Variants in CTTNBP2 observed in about 807,000 individuals in gnomAD.
CTTNBP2 encodes the protein cortactin-binding protein 2.
A neutral mutation model predicts 156.9 loss-of-function variants in CTTNBP2; 108 were observed. The ratio of observed to expected loss-of-function variants is 0.69; its 90% confidence interval spans 0.59 to 0.81. The LOEUF is 0.81. Among genes scored for constraint, CTTNBP2 ranks in the 30% least tolerant of loss-of-function variants. The probability of loss-of-function intolerance (pLI) is 0.00; values close to 1 mark genes in which losing one functional copy is unlikely to be tolerated. For missense variants in CTTNBP2, 1,924 were observed against 2,035.4 expected (o/e 0.95, Z 1.05); for synonymous variants, 767 against 751.8 (o/e 1.02, Z -0.33).
chr7:117,869,564 G>A lies in CTTNBP2; in HGVS notation c.81+3771C>T, dbSNP rs187245761. Reference sequence around the variant, plus strand: ...TGATCAACAGCAGATATTTGTAAATGTCTAAGTACCAAGGCTGTGAAACAT... The same window carrying A: ...TGATCAACAGCAGATATTTGTAAATATCTAAGTACCAAGGCTGTGAAACAT... On this transcript the variant is annotated intron_variant, in intron 1 of 22. Transcript: ENST00000160373. 1.6e-3 allele frequency among the ~76,000 whole-genome samples: 241 copies of A among 152,254 alleles called. 1 individual carries two copies. The highest frequency in any genetic ancestry group is 3.9e-3 in the Admixed American group (59 of 15,294).
chr7:117,860,896 C>A (rs531026773), intron 2 of CTTNBP2, among the ~76,000 whole-genome samples: 11 of 152,268 alleles, frequency 7.2e-5, no homozygotes, highest in Admixed American at 1.3e-4. Flanking sequence ...TAGCAATTTT[C>A]TGAAAACACG....
intron 14 of CTTNBP2, among the ~76,000 whole-genome samples, chr7:117,738,070 C>T (rs2116506790): frequency 6.6e-6 from 1 of 152,332 alleles, no homozygotes; most frequent in Non-Finnish European, 1.5e-5. Context: ...ACAGGAGTGG[C>T]AGGGCGCCCA....
chr7:117,804,834 A>T (rs1458108536), intron 3 of CTTNBP2, among the ~76,000 whole-genome samples: 1 of 152,164 alleles, frequency 6.6e-6, no homozygotes, highest in Non-Finnish European at 1.5e-5. Context: ...TGCCTATGTG[A>T]TGGGTTGACA....
At chr7:117,819,828 T>C (rs1288581528) in intron 2 of CTTNBP2, among the ~76,000 whole-genome samples, 2 of 152,208 alleles carry the variant, frequency 1.3e-5, no homozygotes, top group East Asian at 3.8e-4. Context: ...GAAATTGTCA[T>C]GCCAGGAATA....
chr7:117,855,810 C>T (rs1378885634), intron 2 of CTTNBP2, among the ~76,000 whole-genome samples: 5 of 152,138 alleles, frequency 3.3e-5, no homozygotes, highest in Non-Finnish European at 7.4e-5. Flanking sequence ...AAAACTTAGG[C>T]CTAGATGGCA....
chr7:117,816,024 G>A (rs1256493757), intron 2 of CTTNBP2, among the ~76,000 whole-genome samples: 4 of 152,224 alleles, frequency 2.6e-5, no homozygotes, highest in Non-Finnish European at 5.9e-5. Context: ...AATAGCAGAT[G>A]TATCCTTGAA....
rs901361942 is a variant in CTTNBP2 at position 117,857,691 on chromosome 7, G to GA, written c.189+3517dup. 4.0e-3 allele frequency among the ~76,000 whole-genome samples: 586 copies of GA among 146,976 alleles called. 7 individuals carry two copies. Among genetic ancestry groups the GA allele is most frequent in the East Asian group, 0.023 (118 of 5,078 alleles). ...TTTCAGAGGAATATTAATTTTGGCTGAAAAAAAAAACCAAGATGCACTTCC... is the reference window on the plus strand; with the variant it reads ...TTTCAGAGGAATATTAATTTTGGCTGAAAAAAAAAAACCAAGATGCACTTCC... On this transcript the variant is annotated intron_variant, in intron 2 of 22. Transcript: ENST00000160373.
rs751659603 is a variant in CTTNBP2, at chr7:117,760,728, G to T, written c.2897-18C>A. The T allele has an allele frequency of 2.0e-6, 3 of 1,536,386 alleles. No homozygotes were observed. Among genetic ancestry groups the T allele is most frequent in the Admixed American group, 3.7e-5 (2 of 53,742 alleles). ...AAGAGCATCTGTTAGAAGAGTAAAA[G>T]AATTAGGAGTTAAAAAAATCTGGAC... On this transcript the variant is annotated intron_variant, in intron 9 of 22. Coordinates refer to ENST00000160373, the MANE Select transcript of CTTNBP2 (RefSeq NM_033427.3).
chr7:117,785,982 G>C (rs1798683855), intron 4 of CTTNBP2, among the ~76,000 whole-genome samples: 1 of 152,048 alleles, frequency 6.6e-6, no homozygotes, highest in Non-Finnish European at 1.5e-5. Flanking sequence ...CTGTACATTG[G>C]TATCAGCATA....
At chr7:117,815,119 A>G (rs893263508) in intron 2 of CTTNBP2, among the ~76,000 whole-genome samples, 2 of 152,224 alleles carry the variant, frequency 1.3e-5, no homozygotes, top group African/African-American at 2.4e-5. Flanking sequence ...TGTATATTAC[A>G]TATATTCAAA....
intron 1 of CTTNBP2, chr7:117,871,873 CA>C: frequency 7.5e-6 from 7 of 928,472 alleles, no homozygotes; most frequent in Non-Finnish European, 9.0e-6. Context: ...CACACACACA[CA>C]CCCTCTTTCT....
chr7:117,802,491 T>C (rs1278876010), intron 3 of CTTNBP2, among the ~76,000 whole-genome samples: 1 of 137,180 alleles, frequency 7.3e-6, no homozygotes, highest in Non-Finnish European at 1.6e-5. Context: ...AAAAAAAAAG[T>C]TATGGCTAAG....
At position 117,873,430 on chromosome 7, in the gene CTTNBP2, G is replaced by A. The variant is rs747248856; in HGVS notation, c.-15C>T. On this transcript the variant is annotated 5_prime_UTR_variant, in exon 1 of 23. Transcript: ENST00000160373. Reference sequence around the variant, plus strand: ...TCCGTCGCCATCTTCCTGCTCTAGCGGATCCGAATGCGAGCTCGGAGCCGC... The same window carrying A: ...TCCGTCGCCATCTTCCTGCTCTAGCAGATCCGAATGCGAGCTCGGAGCCGC... The A allele has an allele frequency of 2.7e-6, 4 of 1,472,900 alleles. No homozygotes were observed. The highest frequency in any genetic ancestry group is 2.9e-5 in the African/African-American group (2 of 68,594). 91.2% of individuals were successfully genotyped at this position (1,472,900 alleles called of 1,614,324 possible).
intron 3 of CTTNBP2, among the ~76,000 whole-genome samples, chr7:117,800,745 T>A (rs1799563640): frequency 6.6e-6 from 1 of 152,084 alleles, no homozygotes; most frequent in Non-Finnish European, 1.5e-5. Context: ...AATGTCAGTG[T>A]CAGTATACTG....
intron 3 of CTTNBP2, among the ~76,000 whole-genome samples, chr7:117,798,254 A>C (rs1462155806): frequency 6.6e-6 from 1 of 152,136 alleles, no homozygotes; most frequent in Non-Finnish European, 1.5e-5. Flanking sequence ...ACACTATAAA[A>C]ATCACCTGGC....
intron 8 of CTTNBP2, among the ~76,000 whole-genome samples, chr7:117,774,411 A>G (rs1797985118): frequency 6.6e-6 from 1 of 152,172 alleles, no homozygotes; most frequent in Admixed American, 6.5e-5. Flanking sequence ...GACCAGTATC[A>G]GTCCATGGCC....
chr7:117,862,146 T>C (rs557623832), intron 1 of CTTNBP2, among the ~76,000 whole-genome samples: 14 of 152,286 alleles, frequency 9.2e-5, no homozygotes, highest in Non-Finnish European at 1.6e-4. Context: ...TGGGCTGCCA[T>C]AGTCAGGTGG....
At chr7:117,756,874 AC>A (rs1796913371) in intron 11 of CTTNBP2, among the ~76,000 whole-genome samples, 1 of 151,570 alleles carries the variant, frequency 6.6e-6, no homozygotes, top group African/African-American at 2.4e-5. Context: ...TCCTTCCTCC[AC>A]CCCCTGGGAT....
intron 2 of CTTNBP2, among the ~76,000 whole-genome samples, chr7:117,825,273 T>C (rs1444687527): frequency 1.3e-5 from 2 of 152,196 alleles, no homozygotes; most frequent in African/African-American, 4.8e-5. Flanking sequence ...CAAGGAAAAG[T>C]CTCTCATCGT....
Sources: allele counts gnomAD v4.1 joint callset (sites outside exome capture counted in the v4.1 genomes callset), GRCh38; gene constraint gnomAD v4.1.1; transcripts MANE v1.5; gene names NCBI Gene and HGNC (gene_info 2026-07-23, HGNC 2026-07-21).